Variants in PRAC2 observed in about 807,000 individuals in gnomAD.
PRAC2 encodes the protein protein PRAC2.
For synonymous variants in PRAC2, 43 were observed against 49.5 expected, an observed-to-expected ratio of 0.87 and a Z score of 0.55; for missense variants, 92 against 114.5, an observed-to-expected ratio of 0.80 and a Z score of 0.90.
chr17:48,723,883 G>T lies in PRAC2; in HGVS notation c.-83-445G>T, dbSNP rs757785840. 171 of 782,586 alleles carry T rather than the reference G, an allele frequency of 2.2e-4. 1 individual carries two copies. Among genetic ancestry groups the T allele is most frequent in the Non-Finnish European group, 2.8e-4 (160 of 577,790 alleles). The allele number at this position is 782,586 out of a possible 1,614,324, so 48.5% of individuals were successfully genotyped here. Reference sequence around the variant, plus strand: ...TCGGGCCTGGAGCCCGCGTAGACGCGACCCTGTGATCCCATTTCGTAGCTT... The same window carrying T: ...TCGGGCCTGGAGCCCGCGTAGACGCTACCCTGTGATCCCATTTCGTAGCTT... On this transcript the variant is annotated intron_variant, in intron 1 of 1. Coordinates refer to ENST00000422730, the MANE Select transcript of PRAC2 (RefSeq NM_001282275.2).
At chr17:48,723,686 C>A in intron 1 of PRAC2, 2 of 1,231,478 alleles carry the variant, frequency 1.6e-6, no homozygotes, top group South Asian at 8.2e-5. Context: ...CGCTAGCCAG[C>A]CGGAGTAAAA....
Position 48,724,406 on chromosome 17 carries a change from A to T in PRAC2, c.-5A>T. 2 of 1,234,340 alleles carry T rather than the reference A, an allele frequency of 1.6e-6. No individual in the cohort carries two copies. Among genetic ancestry groups the T allele is most frequent in the Admixed American group, 8.4e-5 (2 of 23,736 alleles). The allele number at this position is 1,234,340 out of a possible 1,614,324, so 76.5% of individuals were successfully genotyped here. On this transcript the variant is annotated 5_prime_UTR_variant, in exon 2 of 2. The change creates a premature stop within an existing upstream ORF in the 5' untranslated region. Coordinates refer to ENST00000422730, the MANE Select transcript of PRAC2 (RefSeq NM_001282275.2). ...AATTATTATGGCGAGGAAGATAAAG[A>T]AGACATGGACAGAAGGCGGATGGCT...
chr17:48,723,361 A>G (rs1011862509), intron 1 of PRAC2, 48 bp downstream of exon 1: 4 of 248,052 alleles, frequency 1.6e-5, no homozygotes, highest in Admixed American at 5.5e-5. Context: ...GGGGATTTCT[A>G]TTAGACAGGA....
upstream of PRAC2, among the ~76,000 whole-genome samples, chr17:48,719,118 C>T (rs1239794549): frequency 6.6e-6 from 1 of 152,158 alleles, no homozygotes; most frequent in Non-Finnish European, 1.5e-5. Flanking sequence ...CTGGATGTTA[C>T]CGAGCCAGGG....
upstream of PRAC2, chr17:48,722,309 T>C (rs746613352): frequency 1.9e-6 from 3 of 1,610,972 alleles, no homozygotes; most frequent in Admixed American, 5.0e-5. Flanking sequence ...GGCCCACCGA[T>C]CAGTTTACCT....
Position 48,724,385 on chromosome 17 carries a change from A to T in PRAC2, c.-26A>T. On this transcript the variant is annotated 5_prime_UTR_variant, in exon 2 of 2. Transcript: ENST00000422730. ...TGTGGGGGGGTCCACACCACTAATT[A>T]TTATGGCGAGGAAGATAAAGAAGAC... The T allele has an allele frequency of 8.1e-7, 1 of 1,234,366 alleles. No homozygotes were observed. Among genetic ancestry groups the T allele is most frequent in the Non-Finnish European group, 1.0e-6 (1 of 988,138 alleles). The allele number at this position is 1,234,366 out of a possible 1,614,324, so 76.5% of individuals were successfully genotyped here.
At chr17:48,721,721 TC>T (rs1405393068), upstream of PRAC2, 2 of 1,303,810 alleles carry the variant, frequency 1.5e-6, no homozygotes, top group Admixed American at 7.0e-5. Flanking sequence ...TCACCCAGTT[TC>T]CTTTTTTAAA....
At chr17:48,721,778 A>T (rs987312818), upstream of PRAC2, 22 of 1,511,020 alleles carry the variant, frequency 1.5e-5, no homozygotes, top group Non-Finnish European at 1.9e-5. Context: ...TACATTGCCC[A>T]GGCTGGTCTG....
At chr17:48,722,361 G>C (rs778844899), upstream of PRAC2, 3 of 1,614,208 alleles carry the variant, frequency 1.9e-6, no homozygotes, top group South Asian at 2.2e-5. Flanking sequence ...AAGATGGGCC[G>C]GTCCTTGATC....
At position 48,724,469 on chromosome 17, in the gene PRAC2, T is replaced by C. The variant is rs1000231825; in HGVS notation, c.59T>C (p.Phe20Ser). 2.4e-5 allele frequency: 29 copies of C among 1,233,996 alleles called. No homozygotes were observed. Among genetic ancestry groups the C allele is most frequent in the Non-Finnish European group, 2.5e-5 (25 of 988,140 alleles). The allele number at this position is 1,233,996 out of a possible 1,614,324, so 76.4% of individuals were successfully genotyped here. Residue 20 changes from phenylalanine (F) to serine (S), a missense_variant, in exon 2 of 2, where the codon TTC becomes TCC. Coordinates refer to ENST00000422730, the MANE Select transcript of PRAC2 (RefSeq NM_001282275.2). ...TCCCGCAGACCGACCGCCTTCTTCTTCCATTCGAGATGGCTCGTACCGAAC... is the reference window on the plus strand; with the variant it reads ...TCCCGCAGACCGACCGCCTTCTTCTCCCATTCGAGATGGCTCGTACCGAAC... ...PGSRRPTAFF[F>S]HSRWLVPNLL...
chr17:48,721,972 G>T, upstream of PRAC2: 1 of 1,402,346 alleles, frequency 7.1e-7, no homozygotes, highest in East Asian at 2.6e-5. Flanking sequence ...CTTATGCCAG[G>T]ACTCCATCCC....
intron 1 of PRAC2, chr17:48,723,687 C>T (rs1157134671): frequency 3.2e-6 from 4 of 1,231,528 alleles, no homozygotes; most frequent in East Asian, 3.2e-5. Flanking sequence ...GCTAGCCAGC[C>T]GGAGTAAAAC....
upstream of PRAC2, chr17:48,721,705 T>G: frequency 3.3e-6 from 4 of 1,199,468 alleles, no homozygotes; most frequent in Non-Finnish European, 4.3e-6. Context: ...TAATCACAGT[T>G]AACTTTCACC....
At chr17:48,720,720 C>A (rs371988715), upstream of PRAC2, among the ~76,000 whole-genome samples, 8 of 152,268 alleles carry the variant, frequency 5.3e-5, no homozygotes, top group East Asian at 9.7e-4. Context: ...AATGTCCACA[C>A]GTGTTTAATC....
upstream of PRAC2, chr17:48,722,225 A>G (rs762925943): frequency 6.2e-5 from 69 of 1,107,412 alleles, no homozygotes; most frequent in Non-Finnish European, 9.2e-5. Flanking sequence ...GAAGGCTCCC[A>G]AATTCCTGGG....
At chr17:48,723,831 C>T (rs778161965) in intron 1 of PRAC2, 77 of 1,157,612 alleles carry the variant, frequency 6.7e-5, no homozygotes, top group Non-Finnish European at 8.4e-5. Context: ...CTAATAAAAT[C>T]CACTTGCTTT....
At chr17:48,722,418 A>G (rs1332262605), upstream of PRAC2, 3 of 1,607,782 alleles carry the variant, frequency 1.9e-6, no homozygotes, top group South Asian at 2.2e-5. Flanking sequence ...AAAGGTGGGG[A>G]CCAGAATCCA....
upstream of PRAC2, among the ~76,000 whole-genome samples, chr17:48,719,747 C>T (rs1474545396): frequency 2.0e-5 from 3 of 152,200 alleles, no homozygotes; most frequent in African/African-American, 7.2e-5. Context: ...AAAACATTGG[C>T]CTGACTTGCC....
At chr17:48,720,458 CTG>C (rs377208224), upstream of PRAC2, among the ~76,000 whole-genome samples, 1 of 152,136 alleles carries the variant, frequency 6.6e-6, no homozygotes, top group South Asian at 2.1e-4. Context: ...CCTTGCTTGT[CTG>C]TGTGTGTGTG....
Sources: gnomAD v4.1 joint callset for allele counts (sites outside exome capture counted in the v4.1 genomes callset) on GRCh38, gnomAD v4.1.1 for gene constraint, MANE v1.5 for transcripts, NCBI Gene and HGNC (gene_info 2026-07-23, HGNC 2026-07-21) for gene names.